Variants in MYO1F observed in about 807,000 individuals in gnomAD.
MYO1F encodes the protein unconventional myosin-If.
MYO1F carries 60 observed loss-of-function variants against 146.6 expected under a neutral mutation model. The observed-to-expected ratio is 0.41, with a 90% confidence interval of 0.33 to 0.51. The LOEUF (loss-of-function observed/expected upper bound fraction) is 0.51, where lower values mean the gene tolerates loss of function less well. Ranked by LOEUF, MYO1F falls within the 20% of genes least tolerant of loss-of-function variation. MYO1F has a pLI of 0.25. For synonymous variants in MYO1F, 602 were observed against 602.1 expected (o/e 1.00, Z 0.00); for missense variants, 1,274 against 1,534.3 (o/e 0.83, Z 2.83).
intron 14 of MYO1F, among the ~76,000 whole-genome samples, chr19:8,543,879 G>C (rs1361950506): frequency 1.2e-5 from 1 of 80,644 alleles, no homozygotes; most frequent in Non-Finnish European, 2.3e-5. Context: ...GGTGGTGCTG[G>C]TGGTGGTGGT....
chr19:8,550,725 G>C (rs73501537), intron 8 of MYO1F, 31 bp from the exon 9 acceptor site: 2 of 1,613,028 alleles, frequency 1.2e-6, no homozygotes, highest in Non-Finnish European at 1.7e-6. Context: ...AAACTGTGCC[G>C]TGAATCCTGG....
chr19:8,565,556 T>C (rs1442726679), intron 1 of MYO1F, among the ~76,000 whole-genome samples: 1 of 151,444 alleles, frequency 6.6e-6, no homozygotes, highest in African/African-American at 2.4e-5. Flanking sequence ...ATAATAATAA[T>C]AATAAAAATT....
chr19:8,574,629 CTTTCTTTCTTTCTTTCCT>C (rs2042192931), intron 1 of MYO1F, among the ~76,000 whole-genome samples: 5 of 43,700 alleles, frequency 1.1e-4, no homozygotes, highest in Admixed American at 6.8e-4. Context: ...TTCTTTCTTT[CTTTCTTTCTTTCTTTCCT>C]TTCTTTCTCT....
chr19:8,541,635 C>T (rs552091219), intron 15 of MYO1F: 6 of 474,402 alleles, frequency 1.3e-5, no homozygotes, highest in Non-Finnish European at 2.3e-5. Flanking sequence ...TGCCATGTTG[C>T]CCAGGCTGGT....
intron 1 of MYO1F, among the ~76,000 whole-genome samples, chr19:8,572,045 T>C (rs1376935060): frequency 6.6e-6 from 1 of 152,096 alleles, no homozygotes; most frequent in Non-Finnish European, 1.5e-5. Context: ...GACCCTTGTC[T>C]TTCTGGAGCT....
intron 25 of MYO1F, among the ~76,000 whole-genome samples, chr19:8,524,458 GC>G (rs1322583552): frequency 6.7e-6 from 1 of 149,142 alleles, no homozygotes; most frequent in Non-Finnish European, 1.5e-5. Context: ...GGTAGCACAC[GC>G]CTGTAGTCCC....
chr19:8,543,205 C>T (rs1032546544), intron 14 of MYO1F, among the ~76,000 whole-genome samples: 6 of 152,236 alleles, frequency 3.9e-5, no homozygotes, highest in Admixed American at 2.0e-4. Flanking sequence ...CTCCCAGCCT[C>T]TCCAGCCCAT....
At chr19:8,544,161 A>C in intron 14 of MYO1F, 136 bp downstream of exon 14, 1 of 909,096 alleles carries the variant, frequency 1.1e-6, no homozygotes, top group Non-Finnish European at 1.7e-6. Context: ...GAGGCGGGGG[A>C]CAGTGGAATT....
intron 1 of MYO1F, among the ~76,000 whole-genome samples, chr19:8,570,912 G>A (rs1205733849): frequency 1.3e-5 from 2 of 152,108 alleles, no homozygotes; most frequent in African/African-American, 2.4e-5. Context: ...TTCCTCATTC[G>A]GAAAATGGGA....
chr19:8,538,384 A>G (rs1972819593), intron 16 of MYO1F, among the ~76,000 whole-genome samples: 1 of 151,820 alleles, frequency 6.6e-6, no homozygotes, highest in South Asian at 2.1e-4. Flanking sequence ...TCCATCTCCC[A>G]AGTTCAAGCA....
chr19:8,561,430 CT>C lies in MYO1F; in HGVS notation c.4-5635del, dbSNP rs759960717. On this transcript the variant is annotated intron_variant, in intron 1 of 27. Transcript: ENST00000644032. ...TCTCCTCTCCCTCCCTTCCTTTCTC[CT>C]CTCCCTCCCTTCCTTCCTCCCTCTC... Among the ~76,000 whole-genome samples the C allele has an allele frequency of 8.9e-3, 915 of 103,292 alleles. 6 individuals carry two copies. Among genetic ancestry groups the C allele is most frequent in the East Asian group, 0.054 (117 of 2,162 alleles). 67.8% of individuals were successfully genotyped at this position (103,292 alleles called of 152,430 possible).
intron 1 of MYO1F, 99 bp from the exon 2 acceptor site, chr19:8,555,895 G>A (rs1387477620): frequency 7.6e-6 from 9 of 1,188,736 alleles, no homozygotes; most frequent in African/African-American, 6.4e-5. Flanking sequence ...CACCTCCCCC[G>A]CCCCACCTCC....
intron 19 of MYO1F, among the ~76,000 whole-genome samples, chr19:8,534,407 G>A (rs1467526831): frequency 2.0e-5 from 3 of 150,960 alleles, no homozygotes; most frequent in African/African-American, 4.9e-5. Flanking sequence ...TCCCAGGTTC[G>A]AGCAATTCTC....
intron 1 of MYO1F, among the ~76,000 whole-genome samples, chr19:8,556,462 C>T (rs1250260729): frequency 7.3e-6 from 1 of 137,444 alleles, no homozygotes; most frequent in African/African-American, 2.8e-5. Flanking sequence ...GGCAACATAG[C>T]GAGGCCCCGT....
In MYO1F at chr19:8,548,606, C is replaced by T. The variant is rs868264422; in HGVS notation, c.1102-289G>A. Among the ~76,000 whole-genome samples the T allele has an allele frequency of 0.046, 6,542 of 141,968 alleles. 507 individuals carry two copies. Among genetic ancestry groups the T allele is most frequent in the African/African-American group, 0.16 (6,035 of 38,670 alleles). 93.1% of individuals were successfully genotyped at this position (141,968 alleles called of 152,430 possible). The stretch of plus-strand genomic sequence containing the variant: ...ACCTCTATTTTCTTTTTTTTTTTTT[C>T]TTTTTTTTTTTTGAGACGGAGTCTC... On this transcript the variant is annotated intron_variant, in intron 10 of 27. Coordinates refer to ENST00000644032, the MANE Select transcript of MYO1F (RefSeq NM_012335.4).
chr19:8,531,237 C>T (rs575374449), intron 19 of MYO1F, among the ~76,000 whole-genome samples: 1 of 151,980 alleles, frequency 6.6e-6, no homozygotes, highest in Non-Finnish European at 1.5e-5. Context: ...ATACCAGCTA[C>T]TCAGGAGGCT....
intron 24 of MYO1F, 49 bp downstream of exon 24, chr19:8,526,404 C>T: frequency 6.5e-7 from 1 of 1,545,566 alleles, no homozygotes; most frequent in Non-Finnish European, 8.7e-7. Flanking sequence ...CCACTCTTAA[C>T]CAGCCTCGCT....
chr19:8,545,643 C>G lies in MYO1F; in HGVS notation c.1356+7G>C. Reference sequence around the variant, plus strand: ...GACGCCCCCGCCAAAGTTGACCCAGCCCTCACCAGCTTGTTTTCGATGAGG... The same window carrying G: ...GACGCCCCCGCCAAAGTTGACCCAGGCCTCACCAGCTTGTTTTCGATGAGG... On this transcript the variant is annotated splice_region_variant and intron_variant, in intron 13 of 27. Transcript: ENST00000644032. The G allele has an allele frequency of 6.2e-7, 1 of 1,612,830 alleles. No individual in the cohort carries two copies. The highest frequency in any genetic ancestry group is 8.5e-7 in the Non-Finnish European group (1 of 1,178,874).
chr19:8,541,866 G>A, intron 15 of MYO1F, 40 bp downstream of exon 15: 2 of 1,568,632 alleles, frequency 1.3e-6, no homozygotes, highest in Non-Finnish European at 1.8e-6. Context: ...ATCCCCTTGG[G>A]GGGTTGTAGC....
Sources: allele counts gnomAD v4.1 joint callset (sites outside exome capture counted in the v4.1 genomes callset), GRCh38; gene constraint gnomAD v4.1.1; transcripts MANE v1.5; gene names NCBI Gene and HGNC (gene_info 2026-07-23, HGNC 2026-07-21).